Variants in ZNF385B observed in about 807,000 individuals in gnomAD.
ZNF385B encodes the protein zinc finger protein 385B.
In ZNF385B, 23 loss-of-function variants were observed where a neutral mutation model predicts 39.2. The observed-to-expected ratio is 0.59, with a 90% CI of 0.42 to 0.83. The LOEUF (loss-of-function observed/expected upper bound fraction) is 0.83. ZNF385B is among the 40% of genes least tolerant of loss of function. The pLI is 0.00. For missense variants in ZNF385B, 552 were observed against 598.9 expected (o/e 0.92, Z 0.82); for synonymous variants, 205 against 222.6 (o/e 0.92, Z 0.70).
chr2:179,834,862 G>A (rs888163994), intron 1 of ZNF385B, among the ~76,000 whole-genome samples: 2 of 152,060 alleles, frequency 1.3e-5, no homozygotes, highest in East Asian at 1.9e-4. Context: ...ACACAACAAC[G>A]CCCATGAAGG....
chr2:179,605,453 G>T lies in ZNF385B; in HGVS notation c.299-60484C>A, dbSNP rs190595194. On this transcript the variant is annotated intron_variant, in intron 3 of 9. Coordinates refer to ENST00000410066, the MANE Select transcript of ZNF385B (RefSeq NM_152520.6). ...AGTATTTTTTTAAATGAGAGGCCAA[G>T]ACATGAGTTTGGAGTGTATTTATGC... Among the ~76,000 whole-genome samples the T allele has an allele frequency of 2.9e-3, 448 of 152,158 alleles. 2 individuals are homozygous for T. The highest frequency in any genetic ancestry group is 0.01 in the African/African-American group (429 of 41,530).
chr2:179,482,579 G>T (rs1197213735), intron 6 of ZNF385B, among the ~76,000 whole-genome samples: 2 of 152,154 alleles, frequency 1.3e-5, no homozygotes, highest in African/African-American at 4.8e-5. Flanking sequence ...CTGGGACTAT[G>T]AAATATAGAC....
intron 3 of ZNF385B, among the ~76,000 whole-genome samples, chr2:179,762,676 G>T (rs1703472014): frequency 6.6e-6 from 1 of 152,172 alleles, no homozygotes; most frequent in South Asian, 2.1e-4. Flanking sequence ...TGTGTTGTCT[G>T]ATTTGGGTAT....
intron 6 of ZNF385B, among the ~76,000 whole-genome samples, chr2:179,461,228 G>A (rs2051304744): frequency 6.6e-6 from 1 of 152,164 alleles, no homozygotes; most frequent in Admixed American, 6.5e-5. Context: ...AAGTATGTTT[G>A]CTGAGTAGGG....
intron 3 of ZNF385B, among the ~76,000 whole-genome samples, chr2:179,749,070 C>CT (rs753352035): frequency 9.9e-5 from 15 of 151,944 alleles, no homozygotes; most frequent in African/African-American, 2.9e-4. Context: ...GTGAATTCTT[C>CT]TTTTTTTTAG....
At chr2:179,690,048 C>T (rs953168468) in intron 3 of ZNF385B, among the ~76,000 whole-genome samples, 2 of 152,138 alleles carry the variant, frequency 1.3e-5, no homozygotes, top group African/African-American at 4.8e-5. Context: ...CCTAACTCTG[C>T]CCATACCTTA....
rs5836693 is a variant in ZNF385B, at chr2:179,686,964, G to GTTT, written c.298+82536_298+82538dup. Among the ~76,000 whole-genome samples, 562 of 142,072 alleles carry GTTT rather than the reference G, an allele frequency of 4.0e-3. 4 individuals are homozygous for GTTT. Among genetic ancestry groups the GTTT allele is most frequent in the Non-Finnish European group, 6.5e-3 (427 of 66,116 alleles). 93.2% of individuals were successfully genotyped at this position (142,072 alleles called of 152,430 possible). ...GACTAGCCTAGCCAAAATTTGTACT[G>GTTT]TTTTTTTTTTTTTCAAAATATCTTC... is the stretch of plus-strand genomic sequence containing the variant. On this transcript the variant is annotated intron_variant, in intron 3 of 9. Transcript: ENST00000410066.
intron 3 of ZNF385B, among the ~76,000 whole-genome samples, chr2:179,729,724 C>A (rs951072679): frequency 1.1e-4 from 16 of 152,178 alleles, no homozygotes; most frequent in Admixed American, 7.2e-4. Flanking sequence ...CCCCATAATG[C>A]CCATGTGTCG....
chr2:179,714,474 G>A (rs1013357259), intron 3 of ZNF385B, among the ~76,000 whole-genome samples: 2 of 152,134 alleles, frequency 1.3e-5, no homozygotes, highest in African/African-American at 2.4e-5. Flanking sequence ...AAAGGAGATA[G>A]GTTAGGAAAG....
At chr2:179,565,714 G>A (rs907695981) in intron 3 of ZNF385B, among the ~76,000 whole-genome samples, 1 of 152,122 alleles carries the variant, frequency 6.6e-6, no homozygotes, top group Admixed American at 6.5e-5. Flanking sequence ...CAGGATGCTC[G>A]TCCCTTTTTG....
At chr2:179,696,435 A>C (rs1185470418) in intron 3 of ZNF385B, among the ~76,000 whole-genome samples, 1 of 144,864 alleles carries the variant, frequency 6.9e-6, no homozygotes, top group Non-Finnish European at 1.5e-5. Context: ...CTTCTGGAGA[A>C]GGACTGGTGG....
chr2:179,790,235 T>C (rs1207055997), intron 1 of ZNF385B, among the ~76,000 whole-genome samples: 1 of 152,232 alleles, frequency 6.6e-6, no homozygotes, highest in Non-Finnish European at 1.5e-5. Flanking sequence ...TCTCCTCTTT[T>C]GCCTTTTCAT....
chr2:179,739,832 T>C (rs891556794), intron 3 of ZNF385B, among the ~76,000 whole-genome samples: 5 of 152,128 alleles, frequency 3.3e-5, no homozygotes, highest in African/African-American at 1.2e-4. Context: ...TAAAGCATGA[T>C]TCAGAGCCCA....
At position 179,553,002 on chromosome 2, in the gene ZNF385B, C is replaced by T. The variant is rs1312017136; in HGVS notation, c.299-8033G>A. 1.3e-5 allele frequency among the ~76,000 whole-genome samples: 2 copies of T among 149,188 alleles called. 1 individual carries two copies. Among genetic ancestry groups the T allele is most frequent in the Non-Finnish European group, 3.0e-5 (2 of 67,508 alleles). ...TGAGGCACAGAGAGATTAAGCCCAA[C>T]TTCATATAGTTTGTATGTAGAGGAG... On this transcript the variant is annotated intron_variant, in intron 3 of 9. Coordinates refer to ENST00000410066, the MANE Select transcript of ZNF385B (RefSeq NM_152520.6).
intron 5 of ZNF385B, among the ~76,000 whole-genome samples, chr2:179,506,891 C>A (rs2105756912): frequency 6.6e-6 from 1 of 152,130 alleles, no homozygotes; most frequent in South Asian, 2.1e-4. Context: ...TTTATTAGAA[C>A]TAAAACACAT....
intron 1 of ZNF385B, among the ~76,000 whole-genome samples, chr2:179,804,381 C>G (rs1054684818): frequency 6.6e-6 from 1 of 152,162 alleles, no homozygotes; most frequent in South Asian, 2.1e-4. Context: ...AGTGGGATTG[C>G]TCCAGTTTCT....
chr2:179,696,485 G>C (rs1698771942), intron 3 of ZNF385B, among the ~76,000 whole-genome samples: 1 of 151,824 alleles, frequency 6.6e-6, no homozygotes, highest in Non-Finnish European at 1.5e-5. Flanking sequence ...TACTAATACT[G>C]TTTTGAAAGC....
intron 3 of ZNF385B, among the ~76,000 whole-genome samples, chr2:179,632,821 C>T (rs146913623): frequency 0.11 from 16,083 of 151,620 alleles, 992 homozygotes; most frequent in Non-Finnish European, 0.14. Flanking sequence ...CTAATAAAGA[C>T]GAAAAGAGAG....
intron 3 of ZNF385B, among the ~76,000 whole-genome samples, chr2:179,662,774 C>T (rs936639141): frequency 1.4e-4 from 21 of 152,114 alleles, no homozygotes; most frequent in Admixed American, 7.9e-4. Flanking sequence ...CTAATATTTG[C>T]TTTTTATCTT....
Sources: gnomAD v4.1 joint callset for allele counts (sites outside exome capture counted in the v4.1 genomes callset) on GRCh38, gnomAD v4.1.1 for gene constraint, MANE v1.5 for transcripts, NCBI Gene and HGNC (gene_info 2026-07-23, HGNC 2026-07-21) for gene names.